Variants in RBFOX1 observed in about 807,000 individuals in gnomAD.
RBFOX1 encodes RNA binding fox-1 homolog 1.
Under a neutral mutation model 57.7 loss-of-function variants are expected in RBFOX1, and 8 were observed. The observed-to-expected ratio is 0.14, with a 90% confidence interval of 0.08 to 0.25. The LOEUF (loss-of-function observed/expected upper bound fraction) is 0.25, where lower values mean the gene tolerates loss of function less well. Among genes scored for constraint, RBFOX1 ranks in the 10% least tolerant of loss-of-function variants. The pLI is 1.00. For missense variants in RBFOX1, 611 were observed against 548.5 expected (o/e 1.11, Z -1.14); for synonymous variants, 326 against 222.4 (o/e 1.47, Z -4.15).
intron 3 of RBFOX1, among the ~76,000 whole-genome samples, chr16:6,717,314 A>T (rs904921693): frequency 6.6e-6 from 1 of 152,134 alleles, no homozygotes; most frequent in Non-Finnish European, 1.5e-5. Context: ...CCTTGAACTT[A>T]TCAGCTTTGT....
chr16:7,654,714 C>A (rs1022213784), intron 12 of RBFOX1, among the ~76,000 whole-genome samples: 1 of 152,144 alleles, frequency 6.6e-6, no homozygotes, highest in African/African-American at 2.4e-5. Flanking sequence ...AAGGCTCCTG[C>A]TAGAATATTC....
chr16:6,497,525 C>G (rs113352242), intron 2 of RBFOX1, among the ~76,000 whole-genome samples: 8 of 151,704 alleles, frequency 5.3e-5, no homozygotes, highest in South Asian at 2.1e-4. Flanking sequence ...GGAATAACCT[C>G]CAGTATAAAT....
intron 3 of RBFOX1, among the ~76,000 whole-genome samples, chr16:6,965,097 A>T (rs574522878): frequency 2.6e-5 from 4 of 151,864 alleles, no homozygotes; most frequent in African/African-American, 7.3e-5. Context: ...TTCCTAGGTC[A>T]TGAGGTGGGT....
At chr16:6,422,159 G>A (rs1025001936) in intron 2 of RBFOX1, among the ~76,000 whole-genome samples, 4 of 151,294 alleles carry the variant, frequency 2.6e-5, no homozygotes, top group East Asian at 1.9e-4. Flanking sequence ...CTGACCTTAC[G>A]TAATCTGCCA....
intron 1 of RBFOX1, among the ~76,000 whole-genome samples, chr16:5,318,862 G>A (rs2064317342): frequency 6.6e-6 from 1 of 152,206 alleles, no homozygotes; most frequent in African/African-American, 2.4e-5. Flanking sequence ...GTTGGGCATG[G>A]TGGCTCATGC....
chr16:6,551,307 A>G (rs1269157143), intron 2 of RBFOX1, among the ~76,000 whole-genome samples: 1 of 152,156 alleles, frequency 6.6e-6, no homozygotes, highest in Admixed American at 6.5e-5. Context: ...TGCTACTGGG[A>G]TGGTCTAGTC....
intron 4 of RBFOX1, among the ~76,000 whole-genome samples, chr16:7,491,047 A>G (rs2066805755): frequency 2.0e-5 from 3 of 152,150 alleles, no homozygotes; most frequent in African/African-American, 7.2e-5. Flanking sequence ...TCCAGATTCT[A>G]AAGAGACAAC....
chr16:6,265,228 C>G lies in RBFOX1; in HGVS notation c.-126-51767C>G, dbSNP rs533286694. Among the ~76,000 whole-genome samples the G allele has an allele frequency of 1.2e-4, 18 of 152,068 alleles. No individual in the cohort carries two copies. In the South Asian group the frequency reaches 3.5e-3, roughly 30 times the overall value. ...TACCCTCGGGCCTCTCCAAGTGGCC[C>G]TATTTTTTTTTTGACATTTTGTTTT... On this transcript the variant is annotated intron_variant, in intron 1 of 15. Transcript: ENST00000550418.
chr16:6,790,216 G>A (rs901188936), intron 3 of RBFOX1, among the ~76,000 whole-genome samples: 29 of 91,048 alleles, frequency 3.2e-4, no homozygotes, highest in African/African-American at 1.1e-3. Flanking sequence ...ACAGACTCTC[G>A]CTCTGTCAGC....
At chr16:7,504,737 A>ATATATATATATTTATATATATATATATT (rs2072351901) in intron 4 of RBFOX1, among the ~76,000 whole-genome samples, 2 of 6,488 alleles carry the variant, frequency 3.1e-4, no homozygotes, top group Admixed American at 1.9e-3. Context: ...ATATATATAT[A>ATATATATATATTTATATATATATATATT]TATATATATA....
At chr16:5,400,690 T>G (rs2066691351) in intron 1 of RBFOX1, among the ~76,000 whole-genome samples, 1 of 152,106 alleles carries the variant, frequency 6.6e-6, no homozygotes, top group South Asian at 2.1e-4. Flanking sequence ...TTACAAATAA[T>G]GCTGTGTAAA....
intron 3 of RBFOX1, among the ~76,000 whole-genome samples, chr16:6,918,623 C>A (rs1165062279): frequency 6.6e-6 from 1 of 152,108 alleles, no homozygotes; most frequent in Non-Finnish European, 1.5e-5. Context: ...AAATCTCATA[C>A]CCTTCTCAGT....
intron 5 of RBFOX1, among the ~76,000 whole-genome samples, chr16:7,555,874 A>G (rs750354052): frequency 2.1e-4 from 32 of 152,116 alleles, no homozygotes; most frequent in Non-Finnish European, 4.3e-4. Context: ...TATGCTTCCA[A>G]CATGCTCTGC....
At chr16:7,412,606 C>T (rs915292789) in intron 4 of RBFOX1, among the ~76,000 whole-genome samples, 1 of 152,136 alleles carries the variant, frequency 6.6e-6, no homozygotes, top group Non-Finnish European at 1.5e-5. Context: ...GTGTTTATAG[C>T]GTTTCTCACT....
intron 1 of RBFOX1, among the ~76,000 whole-genome samples, chr16:6,303,062 C>T (rs1373840123): frequency 6.6e-6 from 1 of 152,154 alleles, no homozygotes; most frequent in Non-Finnish European, 1.5e-5. Context: ...TTAAAGATAA[C>T]TGCACCAAGT....
chr16:7,298,399 A>G (rs961057010), intron 4 of RBFOX1, among the ~76,000 whole-genome samples: 1 of 145,980 alleles, frequency 6.9e-6, no homozygotes, highest in Non-Finnish European at 1.5e-5. Context: ...AGTGATTCTC[A>G]TGCGTCTGCC....
At chr16:6,118,198 C>A (rs917871083) in intron 1 of RBFOX1, among the ~76,000 whole-genome samples, 2 of 152,108 alleles carry the variant, frequency 1.3e-5, no homozygotes, top group Non-Finnish European at 1.5e-5. Context: ...ATTGAGTTTA[C>A]AAGATTTTAC....
chr16:7,068,431 T>C (rs780382647), intron 4 of RBFOX1, among the ~76,000 whole-genome samples: 1 of 152,170 alleles, frequency 6.6e-6, no homozygotes, highest in Non-Finnish European at 1.5e-5. Flanking sequence ...AGGGTGGCCA[T>C]TGGCCCAGGA....
At chr16:5,646,092 C>T (rs554090474) in intron 3 of RBFOX1, among the ~76,000 whole-genome samples, 3 of 151,682 alleles carry the variant, frequency 2.0e-5, no homozygotes, top group Admixed American at 2.0e-4. Flanking sequence ...TACGGTGGCA[C>T]AATCTTGGCT....
Sources: gnomAD v4.1 joint callset for allele counts (sites outside exome capture counted in the v4.1 genomes callset) on GRCh38, gnomAD v4.1.1 for gene constraint, MANE v1.5 for transcripts, NCBI Gene and HGNC (gene_info 2026-07-23, HGNC 2026-07-21) for gene names.